The following SNAP25 variants were observed in gnomAD, a reference collection of about 807,000 sequenced individuals.
SNAP25 encodes synaptosome associated protein 25, also known as synaptosomal-associated protein 25.
SNAP25 carries 3 observed loss-of-function variants against 28.7 expected under a neutral mutation model. That is an observed-to-expected ratio of 0.10 (90% CI 0.05 to 0.27). The LOEUF is 0.27. SNAP25 is among the 10% of genes least tolerant of loss of function. The pLI is 1.00. For missense variants in SNAP25, 117 were observed against 278.7 expected (o/e 0.42, Z 4.13); for synonymous variants, 61 against 88.1 (o/e 0.69, Z 1.72).
chr20:10,297,139 T>C (rs2064130849), intron 6 of SNAP25, 89 bp downstream of exon 6: 3 of 1,413,958 alleles, frequency 2.1e-6, no homozygotes, highest in Middle Eastern at 3.7e-4. Flanking sequence ...AAAACAACCA[T>C]TTTATTGCTC....
chr20:10,301,262 G>C (rs1025532445), intron 7 of SNAP25, among the ~76,000 whole-genome samples: 1 of 152,194 alleles, frequency 6.6e-6, no homozygotes, highest in African/African-American at 2.4e-5. Flanking sequence ...GACATATGCA[G>C]CTACAAGGTT....
At chr20:10,224,033 T>C (rs1264570691) in intron 1 of SNAP25, among the ~76,000 whole-genome samples, 1 of 152,164 alleles carries the variant, frequency 6.6e-6, no homozygotes, top group African/African-American at 2.4e-5. Flanking sequence ...TGGCTCACTG[T>C]ATCCTCCTAA....
intron 1 of SNAP25, among the ~76,000 whole-genome samples, chr20:10,274,309 G>T (rs559351686): frequency 1.3e-5 from 2 of 152,038 alleles, no homozygotes; most frequent in East Asian, 3.9e-4. Context: ...AGCCCTTTTG[G>T]CAACCTCTGA....
chr20:10,253,562 C>T (rs1434565774), intron 1 of SNAP25, among the ~76,000 whole-genome samples: 1 of 152,192 alleles, frequency 6.6e-6, no homozygotes, highest in Non-Finnish European at 1.5e-5. Context: ...GAGGACTCTA[C>T]ATGCTCAGGG....
chr20:10,305,728 GT>G (rs1433174825), intron 7 of SNAP25, among the ~76,000 whole-genome samples: 6 of 152,090 alleles, frequency 3.9e-5, no homozygotes, highest in Non-Finnish European at 8.8e-5. Context: ...ATTAGCCATG[GT>G]TTCAATCCTA....
At chr20:10,303,395 T>C (rs1388669215) in intron 7 of SNAP25, among the ~76,000 whole-genome samples, 1 of 152,202 alleles carries the variant, frequency 6.6e-6, no homozygotes, top group Non-Finnish European at 1.5e-5. Context: ...CAGAGAACCA[T>C]TGCCAGGTAT....
intron 5 of SNAP25, 88 bp from the exon 6 acceptor site, chr20:10,296,837 G>T (rs2064122592): frequency 6.3e-6 from 10 of 1,591,306 alleles, no homozygotes; most frequent in Non-Finnish European, 7.7e-6. Context: ...CATTCGCTTG[G>T]TTCGATTCTT....
chr20:10,301,784 T>G (rs1295992930), intron 7 of SNAP25, among the ~76,000 whole-genome samples: 3 of 150,654 alleles, frequency 2.0e-5, no homozygotes, highest in Non-Finnish European at 4.4e-5. Flanking sequence ...GAAATTACTT[T>G]ATTTAAAAAT....
chr20:10,278,996 A>C (rs2063737956), intron 3 of SNAP25, among the ~76,000 whole-genome samples: 1 of 152,140 alleles, frequency 6.6e-6, no homozygotes, highest in African/African-American at 2.4e-5. Flanking sequence ...TCGAGCCTGC[A>C]ATGTGGCACA....
intron 2 of SNAP25, among the ~76,000 whole-genome samples, chr20:10,276,359 C>A (rs568940241): frequency 2.0e-5 from 3 of 152,226 alleles, no homozygotes; most frequent in Non-Finnish European, 4.4e-5. Context: ...TACTGCAGAT[C>A]AGGACTTGAC....
intron 1 of SNAP25, among the ~76,000 whole-genome samples, chr20:10,251,357 C>T (rs917307214): frequency 2.6e-5 from 4 of 152,144 alleles, no homozygotes; most frequent in African/African-American, 7.2e-5. Context: ...TACCTGAGAA[C>T]CACACAGGAG....
intron 4 of SNAP25, among the ~76,000 whole-genome samples, chr20:10,291,206 T>C (rs1359088130): frequency 6.6e-6 from 1 of 152,162 alleles, no homozygotes; most frequent in African/African-American, 2.4e-5. Context: ...CCCAAGTAGC[T>C]GGGATTACAG....
At chr20:10,230,121 A>G (rs886222611) in intron 1 of SNAP25, among the ~76,000 whole-genome samples, 14 of 152,086 alleles carry the variant, frequency 9.2e-5, no homozygotes, top group Non-Finnish European at 1.8e-4. Flanking sequence ...GAAACTTGCA[A>G]TCTGGGGGAG....
At chr20:10,254,581 C>T (rs1357383073) in intron 1 of SNAP25, among the ~76,000 whole-genome samples, 7 of 152,138 alleles carry the variant, frequency 4.6e-5, no homozygotes, top group Non-Finnish European at 8.8e-5. Context: ...TTATGGAATC[C>T]CAAAGGAGGA....
rs2064040280 is a variant in SNAP25 at position 10,293,387 on chromosome 20, G to A, written c.281+109G>A. The A allele has an allele frequency of 2.6e-6, 2 of 780,986 alleles. No homozygotes were observed. Among genetic ancestry groups the A allele is most frequent in the Admixed American group, 4.1e-5 (2 of 48,794 alleles). The allele number at this position is 780,986 out of a possible 1,614,324, so 48.4% of individuals were successfully genotyped here. ...AGGCAGGATGAGCATGTGGCATGCA[G>A]AACAGATCAATACCGTCTCCAATGC... is the stretch of plus-strand genomic sequence containing the variant. On this transcript the variant is annotated intron_variant, in intron 5 of 7. Coordinates refer to ENST00000254976, the MANE Select transcript of SNAP25 (RefSeq NM_130811.4). The surrounding 1 kb of genome is among the most constrained non-coding windows in gnomAD (Gnocchi z 5.6).
chr20:10,273,145 AT>A (rs33941524), intron 1 of SNAP25, among the ~76,000 whole-genome samples: 16,901 of 150,090 alleles, frequency 0.11, 1,276 homozygotes, highest in African/African-American at 0.2. Flanking sequence ...TATGTTCCTG[AT>A]TTTTTTTTTC....
chr20:10,293,394 T>C lies in SNAP25; in HGVS notation c.281+116T>C, dbSNP rs2064040533. 5 of 720,932 alleles carry C rather than the reference T, an allele frequency of 6.9e-6. No homozygotes were observed. The highest frequency in any genetic ancestry group is 1.2e-5 in the Non-Finnish European group (5 of 408,274). 44.7% of individuals were successfully genotyped at this position (720,932 alleles called of 1,614,324 possible). On this transcript the variant is annotated intron_variant, in intron 5 of 7. Coordinates refer to ENST00000254976, the MANE Select transcript of SNAP25 (RefSeq NM_130811.4). This position sits in a 1 kb window ranked among gnomAD's most constrained non-coding sequence, Gnocchi z 5.6. ...ATGAGCATGTGGCATGCAGAACAGATCAATACCGTCTCCAATGCATTCATC... is the reference window on the plus strand; with the variant it reads ...ATGAGCATGTGGCATGCAGAACAGACCAATACCGTCTCCAATGCATTCATC...
intron 7 of SNAP25, among the ~76,000 whole-genome samples, chr20:10,304,252 A>C (rs749672333): frequency 2.0e-5 from 3 of 152,220 alleles, no homozygotes; most frequent in Non-Finnish European, 2.9e-5. Flanking sequence ...TGAGCTAATA[A>C]TAGTACACAC....
intron 1 of SNAP25, among the ~76,000 whole-genome samples, chr20:10,261,280 C>T (rs920593860): frequency 2.0e-5 from 3 of 152,146 alleles, no homozygotes; most frequent in Non-Finnish European, 4.4e-5. Context: ...TTCAGGAAAT[C>T]GCTTTTTCTG....
Sources: gnomAD v4.1 joint callset for allele counts (sites outside exome capture counted in the v4.1 genomes callset) on GRCh38, gnomAD v4.1.1 for gene constraint, Gnocchi (gnomAD v3.1) non-coding constraint, MANE v1.5 for transcripts, NCBI Gene and HGNC (gene_info 2026-07-23, HGNC 2026-07-21) for gene names.